The following FOXK1 variants were observed in gnomAD, a reference collection of about 807,000 sequenced individuals.
FOXK1 encodes the protein forkhead box K1.
FOXK1 carries 19 observed loss-of-function variants against 51.9 expected under a neutral mutation model. That is an observed-to-expected ratio of 0.37 (90% CI 0.26 to 0.54). The LOEUF is 0.54. Ranked by LOEUF, FOXK1 falls within the 20% of genes least tolerant of loss-of-function variation. The pLI, the probability that FOXK1 is intolerant of heterozygous loss-of-function variation, is 0.87. For synonymous variants in FOXK1, 537 were observed against 482.6 expected (o/e 1.11, Z -1.48); for missense variants, 870 against 1,032.7 (o/e 0.84, Z 2.16).
chr7:4,755,587 C>T lies in FOXK1; in HGVS notation c.1050+204C>T, dbSNP rs1433147506. Among the ~76,000 whole-genome samples, 1 of 152,170 alleles carries T rather than the reference C, an allele frequency of 6.6e-6. No homozygotes were observed. The highest frequency in any genetic ancestry group is 1.9e-4 in the East Asian group (1 of 5,182). On this transcript the variant is annotated intron_variant, in intron 4 of 8. Coordinates refer to ENST00000328914, the MANE Select transcript of FOXK1 (RefSeq NM_001037165.2). This position sits in a 1 kb window ranked among gnomAD's most constrained non-coding sequence, Gnocchi z 6.6. ...GAACCTCTTTTCTACTAAAAATTAG[C>T]TGAGTGTGGTGGTGCACACCTGTGG...
rs1007870308 is a variant in FOXK1 at position 4,755,737 on chromosome 7, GA to G, written c.1050+362del. Among the ~76,000 whole-genome samples the G allele has an allele frequency of 2.6e-5, 4 of 151,696 alleles. No individual in the cohort carries two copies. The highest frequency in any genetic ancestry group is 5.9e-5 in the Non-Finnish European group (4 of 67,914). The stretch of plus-strand genomic sequence containing the variant: ...CAGAGAAAGACCCTGTGTCTACAAA[GA>G]AAAAAAATATCTTTTTAACTAAGAA... On this transcript the variant is annotated intron_variant, in intron 4 of 8. Transcript: ENST00000328914. This position sits in a 1 kb window ranked among gnomAD's most constrained non-coding sequence, Gnocchi z 6.6.
chr7:4,732,595 G>C (rs978759004), intron 1 of FOXK1, among the ~76,000 whole-genome samples: 4 of 152,238 alleles, frequency 2.6e-5, no homozygotes, highest in South Asian at 2.1e-4. Context: ...TGGGATTACG[G>C]GCATGAGCCA....
At position 4,753,507 on chromosome 7, in the gene FOXK1, A is replaced by G. The variant is rs182661606; in HGVS notation, c.747-952A>G. 6.6e-6 allele frequency among the ~76,000 whole-genome samples: 1 copy of G among 151,920 alleles called. No individual in the cohort carries two copies. The highest frequency in any genetic ancestry group is 2.4e-5 in the African/African-American group (1 of 41,346). ...CCACGGGGGCTCTAAGTCAGCTGAGAGGGGGGATGTCAGCATCACAGGTGG... is the reference window on the plus strand; with the variant it reads ...CCACGGGGGCTCTAAGTCAGCTGAGGGGGGGGATGTCAGCATCACAGGTGG... On this transcript the variant is annotated intron_variant, in intron 2 of 8. Transcript: ENST00000328914. This position sits in a 1 kb window ranked among gnomAD's most constrained non-coding sequence, Gnocchi z 4.9.
rs555925480 is a variant in FOXK1 at position 4,743,012 on chromosome 7, C to T, written c.746+1989C>T. On this transcript the variant is annotated intron_variant, in intron 2 of 8. Transcript: ENST00000328914. This position sits in a 1 kb window ranked among gnomAD's most constrained non-coding sequence, Gnocchi z 5.3. Reference sequence around the variant, plus strand: ...GCATGGTCACCTGTGTGACTCTGTGCGGTCACTTCAGCCCCCCACCTTCCC... The same window carrying T: ...GCATGGTCACCTGTGTGACTCTGTGTGGTCACTTCAGCCCCCCACCTTCCC... Among the ~76,000 whole-genome samples, 17 of 152,292 alleles carry T rather than the reference C, an allele frequency of 1.1e-4. No individual in the cohort carries two copies. Among genetic ancestry groups the T allele is most frequent in the East Asian group, 7.7e-4 (4 of 5,180 alleles).
chr7:4,734,140 G>A lies in FOXK1; in HGVS notation c.561-6698G>A, dbSNP rs887968618. Among the ~76,000 whole-genome samples, 9 of 152,158 alleles carry A rather than the reference G, an allele frequency of 5.9e-5. No individual in the cohort carries two copies. Among genetic ancestry groups the A allele is most frequent in the Non-Finnish European group, 8.8e-5 (6 of 68,032 alleles). On this transcript the variant is annotated intron_variant, in intron 1 of 8. Transcript: ENST00000328914. The surrounding 1 kb of genome is among the most constrained non-coding windows in gnomAD (Gnocchi z 5.2). The stretch of plus-strand genomic sequence containing the variant: ...GCCGCCCAGCTCCTAGAAGACACGC[G>A]ACTCCACAGCAGTTAGGAGACAGCA...
chr7:4,725,142 A>G (rs750561152), intron 1 of FOXK1, among the ~76,000 whole-genome samples: 52 of 152,194 alleles, frequency 3.4e-4, no homozygotes, highest in Non-Finnish European at 6.8e-4. Context: ...GCTCTCTCGC[A>G]GTTCCTGCAG....
chr7:4,687,638 C>T (rs78149126), intron 1 of FOXK1, among the ~76,000 whole-genome samples: 4,262 of 152,254 alleles, frequency 0.028, 194 homozygotes, highest in African/African-American at 0.095. Context: ...TTCATTTACC[C>T]AATTCAAAAT....
In FOXK1 at chr7:4,722,502, GC is replaced by G. The variant is rs1780327290; in HGVS notation, c.561-18334del. Among the ~76,000 whole-genome samples, 1 of 152,204 alleles carries G rather than the reference GC, an allele frequency of 6.6e-6. No homozygotes were observed. The stretch of plus-strand genomic sequence containing the variant: ...GGCAGTGGGCTGCTCAGCACCAGTG[GC>G]CTCAGCCCAGTGCCAGCGTGCTGGG... On this transcript the variant is annotated intron_variant, in intron 1 of 8. Coordinates refer to ENST00000328914, the MANE Select transcript of FOXK1 (RefSeq NM_001037165.2). This position sits in a 1 kb window ranked among gnomAD's most constrained non-coding sequence, Gnocchi z 5.1.
chr7:4,699,040 G>A (rs751040274), intron 1 of FOXK1, among the ~76,000 whole-genome samples: 1 of 152,172 alleles, frequency 6.6e-6, no homozygotes, highest in African/African-American at 2.4e-5. Context: ...GTGCTTTGTC[G>A]CTTGCTGGGG....
rs1454383520 is a variant in FOXK1, at chr7:4,715,506, C to T, written c.561-25332C>T. On this transcript the variant is annotated intron_variant, in intron 1 of 8. Coordinates refer to ENST00000328914, the MANE Select transcript of FOXK1 (RefSeq NM_001037165.2). This position sits in a 1 kb window ranked among gnomAD's most constrained non-coding sequence, Gnocchi z 4.5. ...GGCCGGCGGTAGGAGCTGGAATGCC[C>T]GAGCTCTGAGAAGCTCTTCATCTAT... is the stretch of plus-strand genomic sequence containing the variant. Among the ~76,000 whole-genome samples, 1 of 152,182 alleles carries T rather than the reference C, an allele frequency of 6.6e-6. No individual in the cohort carries two copies. Among genetic ancestry groups the T allele is most frequent in the African/African-American group, 2.4e-5 (1 of 41,432 alleles).
At chr7:4,688,632 C>G (rs985272565) in intron 1 of FOXK1, among the ~76,000 whole-genome samples, 1 of 152,152 alleles carries the variant, frequency 6.6e-6, no homozygotes, top group African/African-American at 2.4e-5. Context: ...AGTGATCTGC[C>G]CGCCTCAGCC....
chr7:4,754,935 C>T (rs1780825630), intron 3 of FOXK1: 1 of 566,628 alleles, frequency 1.8e-6, no homozygotes, highest in Admixed American at 3.1e-5. Context: ...TGGCGTTCTC[C>T]TTATAACTTT....
chr7:4,694,786 G>A (rs1779932587), intron 1 of FOXK1, among the ~76,000 whole-genome samples: 1 of 152,216 alleles, frequency 6.6e-6, no homozygotes, highest in African/African-American at 2.4e-5. Context: ...CCTGTCAGCA[G>A]AGACCGTCTC....
intron 1 of FOXK1, among the ~76,000 whole-genome samples, chr7:4,726,276 C>T (rs1047477200): frequency 1.3e-5 from 2 of 152,120 alleles, no homozygotes; most frequent in Admixed American, 1.3e-4. Context: ...TGCTGCAGAC[C>T]GTCTGTTGGA....
intron 1 of FOXK1, among the ~76,000 whole-genome samples, chr7:4,698,490 T>G (rs1779980705): frequency 6.6e-6 from 1 of 152,162 alleles, no homozygotes; most frequent in Non-Finnish European, 1.5e-5. Flanking sequence ...CAGTCTGTTA[T>G]TAAATTTAGG....
rs959100860 is a variant in FOXK1 at position 4,730,066 on chromosome 7, G to A, written c.561-10772G>A. Among the ~76,000 whole-genome samples, 3 of 152,192 alleles carry A rather than the reference G, an allele frequency of 2.0e-5. No homozygotes were observed. Among genetic ancestry groups the A allele is most frequent in the African/African-American group, 2.4e-5 (1 of 41,456 alleles). On this transcript the variant is annotated intron_variant, in intron 1 of 8. Coordinates refer to ENST00000328914, the MANE Select transcript of FOXK1 (RefSeq NM_001037165.2). The surrounding 1 kb of genome is among the most constrained non-coding windows in gnomAD (Gnocchi z 4.7). ...GACCGTTGTCTGCGTTTTTCACCGC[G>A]TGTCACCGACTCAGCATATGGGCTT... is the stretch of plus-strand genomic sequence containing the variant.
At chr7:4,741,093 C>T (rs968485585) in intron 2 of FOXK1, 70 bp downstream of exon 2, 9 of 1,124,336 alleles carry the variant, frequency 8.0e-6, no homozygotes, top group South Asian at 1.8e-5. Flanking sequence ...GCCTGTCGTA[C>T]GCAGCACCGG....
chr7:4,721,074 C>T (rs992521985), intron 1 of FOXK1, among the ~76,000 whole-genome samples: 2 of 152,150 alleles, frequency 1.3e-5, no homozygotes, highest in African/African-American at 2.4e-5. Flanking sequence ...ACGGGCCCTC[C>T]GTGCCCCGTC....
chr7:4,737,122 C>T (rs1780562871), intron 1 of FOXK1, among the ~76,000 whole-genome samples: 1 of 152,072 alleles, frequency 6.6e-6, no homozygotes, highest in African/African-American at 2.4e-5. Context: ...ATCCAAACCC[C>T]GATCTCCAGG....
Sources: allele counts gnomAD v4.1 joint callset (sites outside exome capture counted in the v4.1 genomes callset), GRCh38; gene constraint gnomAD v4.1.1; non-coding constraint Gnocchi (gnomAD v3.1); transcripts MANE v1.5; gene names NCBI Gene and HGNC (gene_info 2026-07-23, HGNC 2026-07-21).